Variants in SLC28A3 observed in about 807,000 individuals in gnomAD.
The protein encoded by SLC28A3 is concentrative Na(+)-nucleoside cotransporter 3.
A neutral mutation model predicts 84.2 loss-of-function variants in SLC28A3; 68 were observed. That is an observed-to-expected ratio of 0.81 (90% CI 0.66 to 0.99). SLC28A3 has a LOEUF of 0.99. Among genes scored for constraint, SLC28A3 ranks in the 50% least tolerant of loss-of-function variants. The pLI is 0.00. For synonymous variants in SLC28A3, 267 were observed against 303.6 expected (o/e 0.88, Z 1.25); for missense variants, 712 against 841.5 (o/e 0.85, Z 1.90).
In SLC28A3 at chr9:84,323,296, GA is replaced by G. The variant is rs1826437492; in HGVS notation, c.61-9843del. ...AGTATTAGTATACCTATTTTTAGAT[GA>G]GCAAACAGGTATAGAGAAATAGATG... is the stretch of plus-strand genomic sequence containing the variant. On this transcript the variant is annotated intron_variant, in intron 1 of 17. Transcript: ENST00000376238. Among the ~76,000 whole-genome samples the G allele has an allele frequency of 2.0e-5, 3 of 152,310 alleles. No homozygotes were observed. The South Asian group carries it at 6.2e-4, about 32-fold the overall frequency.
At position 84,280,808 on chromosome 9, in the gene SLC28A3, G is replaced by A. The variant is rs1354980385; in HGVS notation, c.1722C>T (p.Gly574=). Residue 574 remains glycine (G), a synonymous_variant, in exon 15 of 18, where the codon GGC becomes GGT. Transcript: ENST00000376238. ...AATGTTCTTTTCACTTACTGAGTCC[G>A]CCGATCACGATTCCTAGGGACCCGA... ...ANIGSLGIVI[G]GLTSMAPSRK... is the part of the protein sequence containing the mutation. 7.4e-6 allele frequency: 12 copies of A among 1,613,774 alleles called. No homozygotes were observed. The highest frequency in any genetic ancestry group is 1.6e-4 in the Middle Eastern group (1 of 6,084).
chr9:84,288,049 C>T lies in SLC28A3; in HGVS notation c.1279G>A (p.Gly427Ser), dbSNP rs1408185762. 2 of 1,613,724 alleles carry T rather than the reference C, an allele frequency of 1.2e-6. No homozygotes were observed. Among genetic ancestry groups the T allele is most frequent in the East Asian group, 2.2e-5 (1 of 44,878 alleles). The change falls in exon 12 of 18, where the codon GGT becomes AGT. Residue 427 changes from glycine (G) to serine (S), a missense_variant and splice_region_variant. Gly to Ser is a moderately conservative substitution (Grantham distance 56). Transcript: ENST00000376238. ...ATTAGGTGAATGTGTCACACTTACC[C>T]ACTTTCCATTTTCATGGCATTCTTG... ...TLKNAMKMES[G>S]DSGNLLEAAT...
chr9:84,349,947 A>C, the SLC28A3 span, among the ~76,000 whole-genome samples: 1 of 152,226 alleles, frequency 6.6e-6, no homozygotes, highest in South Asian at 2.1e-4. Flanking sequence ...CAGTTTTTTC[A>C]TCATGCAAAC....
chr9:84,363,575 TATTA>T, the SLC28A3 span, among the ~76,000 whole-genome samples: 7 of 152,154 alleles, frequency 4.6e-5, no homozygotes, highest in Non-Finnish European at 7.4e-5. Flanking sequence ...GTCACATCCA[TATTA>T]TTATTAGTTT....
At position 84,313,349 on chromosome 9, in the gene SLC28A3, C is replaced by T; in HGVS notation, c.156+10G>A. 1 of 1,613,572 alleles carries T rather than the reference C, an allele frequency of 6.2e-7. No homozygotes were observed. Among genetic ancestry groups the T allele is most frequent in the South Asian group, 1.1e-5 (1 of 91,034 alleles). On this transcript the variant is annotated intron_variant, in intron 2 of 17. Transcript: ENST00000376238. ...TGGTACTAGAGTCATGCACCACAGT[C>T]TTGCTGTACCTGTTTGGTGTTTGTG... is the stretch of plus-strand genomic sequence containing the variant.
intron 13 of SLC28A3, among the ~76,000 whole-genome samples, 161 bp from the exon 14 acceptor site, chr9:84,285,703 G>C (rs925238681): frequency 6.6e-6 from 1 of 152,046 alleles, no homozygotes; most frequent in Non-Finnish European, 1.5e-5. Flanking sequence ...GCTAGAAATC[G>C]GTCATTTGAA....
chr9:84,304,534 G>T (rs2118333706), intron 4 of SLC28A3, among the ~76,000 whole-genome samples: 1 of 152,274 alleles, frequency 6.6e-6, no homozygotes, highest in South Asian at 2.1e-4. Flanking sequence ...GTTTTGGAGG[G>T]AGTAAAAACA....
At position 84,303,066 on chromosome 9, in the gene SLC28A3, G is replaced by T. The variant is rs529177922; in HGVS notation, c.335-677C>A. Reference sequence around the variant, plus strand: ...TTGAGAAATAAAAATAAAGTCCTAAGTCACCCAACCAACTGAACCGAGCCT... The same window carrying T: ...TTGAGAAATAAAAATAAAGTCCTAATTCACCCAACCAACTGAACCGAGCCT... On this transcript the variant is annotated intron_variant, in intron 4 of 17. Coordinates refer to ENST00000376238, the MANE Select transcript of SLC28A3 (RefSeq NM_001199633.2). Among the ~76,000 whole-genome samples the T allele has an allele frequency of 5.9e-5, 9 of 152,266 alleles. No individual in the cohort carries two copies. In the East Asian group the frequency reaches 1.5e-3, roughly 26 times the overall value.
At chr9:84,340,824 C>T (rs562029530), upstream of SLC28A3, 945 of 350,992 alleles carry the variant, frequency 2.7e-3, 4 homozygotes, top group Middle Eastern at 0.015. Context: ...GGCAGAGAGG[C>T]GGGCGGGTTG....
chr9:84,346,239 C>T, the SLC28A3 span, among the ~76,000 whole-genome samples: 13 of 152,210 alleles, frequency 8.5e-5, no homozygotes, highest in Middle Eastern at 6.8e-3. Context: ...GGACTGTCTA[C>T]GCACAAGCTC....
chr9:84,329,079 G>A (rs781484134), intron 1 of SLC28A3, among the ~76,000 whole-genome samples: 10 of 152,236 alleles, frequency 6.6e-5, no homozygotes, highest in Non-Finnish European at 1.3e-4. Flanking sequence ...GAGAGCTTGA[G>A]TGGCAATAAT....
At chr9:84,329,565 A>C (rs1373708147) in intron 1 of SLC28A3, among the ~76,000 whole-genome samples, 1 of 152,236 alleles carries the variant, frequency 6.6e-6, no homozygotes, top group Non-Finnish European at 1.5e-5. Flanking sequence ...GAAATTAAGC[A>C]CACTCCTAAA....
At chr9:84,345,899 C>T in the SLC28A3 span, among the ~76,000 whole-genome samples, 3 of 152,092 alleles carry the variant, frequency 2.0e-5, no homozygotes, top group Non-Finnish European at 4.4e-5. Context: ...GTGGTAACAC[C>T]TTGGTAGAAG....
At chr9:84,299,845 TA>T in intron 5 of SLC28A3, 120 bp from the exon 6 acceptor site, 11 of 1,168,482 alleles carry the variant, frequency 9.4e-6, no homozygotes, top group South Asian at 1.7e-5. Context: ...CAGGCTGGAG[TA>T]GAATGGAGCG....
rs572238035 is a variant in SLC28A3, at chr9:84,309,769, G to A, written c.157-55C>T. 12 of 1,485,862 alleles carry A rather than the reference G, an allele frequency of 8.1e-6. No homozygotes were observed. The East Asian group carries it at 2.5e-4, about 31-fold the overall frequency. The allele number at this position is 1,485,862 out of a possible 1,614,324, so 92.0% of individuals were successfully genotyped here. A position where few individuals can be genotyped will look rare whatever the true frequency, so the allele number is the denominator to read the frequency against. On this transcript the variant is annotated intron_variant, in intron 2 of 17. Transcript: ENST00000376238. ...AATAATGAGCATCCTGGGCATAATG[G>A]ACCCTGGTTTCATTGCTCAGAACTC...
At chr9:84,356,346 T>A in the SLC28A3 span, among the ~76,000 whole-genome samples, 1 of 152,062 alleles carries the variant, frequency 6.6e-6, no homozygotes, top group Non-Finnish European at 1.5e-5. Flanking sequence ...CTGGGCTTCC[T>A]CATGAACCTG....
chr9:84,354,706 G>T, the SLC28A3 span, among the ~76,000 whole-genome samples: 1 of 152,044 alleles, frequency 6.6e-6, no homozygotes, highest in Non-Finnish European at 1.5e-5. Flanking sequence ...AAATTAGCTG[G>T]TATGGTGGCG....
In SLC28A3 at chr9:84,275,599, A is replaced by G. The variant is rs1824502753; in HGVS notation, c.*2619T>C. The G allele has an allele frequency of 6.6e-6, 1 of 152,222 alleles. No individual in the cohort carries two copies. Among genetic ancestry groups the G allele is most frequent in the African/African-American group, 2.4e-5 (1 of 41,460 alleles). The allele number at this position is 152,222 out of a possible 1,614,324, so 9.4% of individuals were successfully genotyped here. A position where few individuals can be genotyped will look rare whatever the true frequency, so the allele number is the denominator to read the frequency against. On this transcript the variant is annotated 3_prime_UTR_variant, in exon 18 of 18. Coordinates refer to ENST00000376238, the MANE Select transcript of SLC28A3 (RefSeq NM_001199633.2). ...GGAAGACAAGCAGCCTCCAGCTTCT[A>G]TGTCTACTAAAGAGGAATAAAAACA...
chr9:84,307,437 A>AAAAAAAC (rs1554726626), intron 3 of SLC28A3, among the ~76,000 whole-genome samples: 7 of 111,048 alleles, frequency 6.3e-5, no homozygotes, highest in East Asian at 4.8e-4. Context: ...TCTCAAAAAA[A>AAAAAAAC]AAAAAAAACA....
Sources: gnomAD v4.1 joint callset for allele counts (sites outside exome capture counted in the v4.1 genomes callset) on GRCh38, gnomAD v4.1.1 for gene constraint, MANE v1.5 for transcripts, NCBI Gene and HGNC (gene_info 2026-07-23, HGNC 2026-07-21) for gene names.